Variants in UBA6 observed in about 807,000 individuals in gnomAD.
The protein encoded by UBA6 is ubiquitin like modifier activating enzyme 6, also known as ubiquitin-like modifier-activating enzyme 6.
In UBA6, 87 loss-of-function variants were observed where a neutral mutation model predicts 148.3. The observed-to-expected ratio is 0.59, with a 90% CI of 0.49 to 0.70. The LOEUF is 0.70. UBA6 is among the 30% of genes least tolerant of loss of function. The pLI is 0.00. For synonymous variants in UBA6, 376 were observed against 401.0 expected (o/e 0.94, Z 0.75); for missense variants, 1,186 against 1,241.2 (o/e 0.96, Z 0.67).
chr4:67,648,774 C>T (rs1172928406), intron 14 of UBA6, among the ~76,000 whole-genome samples: 1 of 152,054 alleles, frequency 6.6e-6, no homozygotes, highest in Non-Finnish European at 1.5e-5. Flanking sequence ...GAATGCTAAG[C>T]TTATGGTACT....
intron 1 of UBA6, among the ~76,000 whole-genome samples, chr4:67,698,942 A>G (rs1231438253): frequency 6.6e-6 from 1 of 152,164 alleles, no homozygotes. Flanking sequence ...CCTGGGTGAC[A>G]AGAGCAAGAC....
chr4:67,678,674 T>C (rs1229729954), intron 4 of UBA6, 141 bp from the exon 5 acceptor site: 4 of 442,314 alleles, frequency 9.0e-6, no homozygotes, highest in Non-Finnish European at 1.6e-5. Context: ...AATTAAAATA[T>C]GTAAAGATGT....
At chr4:67,624,324 A>C in intron 29 of UBA6, 71 bp from the exon 30 acceptor site, 1 of 1,443,572 alleles carries the variant, frequency 6.9e-7, no homozygotes, top group Non-Finnish European at 9.3e-7. Context: ...GCATCTATTC[A>C]ACTTTCACGT....
intron 32 of UBA6, among the ~76,000 whole-genome samples, chr4:67,622,587 C>G (rs13104385): frequency 0.2 from 30,515 of 152,064 alleles, 3,326 homozygotes; most frequent in Middle Eastern, 0.3. Context: ...ACATAAGAGA[C>G]GGATCCACTT....
In UBA6 at chr4:67,631,910, T is replaced by G; in HGVS notation, c.2143-2A>C. On this transcript the variant is annotated splice_acceptor_variant, in intron 23 of 32. Transcript: ENST00000322244. LOFTEE classifies it high-confidence loss of function. ...GAAACAGTGAAGAAGCTGAAGAGCC[T>G]AAAGAAAAAAAATGAATTAAAGACA... 1 of 1,608,274 alleles carries G rather than the reference T, an allele frequency of 6.2e-7. No homozygotes were observed. The highest frequency in any genetic ancestry group is 8.5e-7 in the Non-Finnish European group (1 of 1,177,930).
intron 13 of UBA6, among the ~76,000 whole-genome samples, chr4:67,659,317 A>ATTG (rs1729781544): frequency 6.6e-6 from 1 of 152,138 alleles, no homozygotes; most frequent in South Asian, 2.1e-4. Context: ...CTCATCTTGA[A>ATTG]TTGTAATCCC....
At chr4:67,623,512 C>A (rs535140020) in intron 30 of UBA6, among the ~76,000 whole-genome samples, 8 of 152,172 alleles carry the variant, frequency 5.3e-5, no homozygotes, top group African/African-American at 1.9e-4. Flanking sequence ...AAATGGGTTT[C>A]ACTGTGTGGA....
At chr4:67,640,743 G>A (rs76628947) in intron 18 of UBA6, among the ~76,000 whole-genome samples, 175 of 152,282 alleles carry the variant, frequency 1.1e-3, no homozygotes, top group Admixed American at 2.9e-3. Flanking sequence ...ACGGATGTTG[G>A]TCAAACGATC....
Position 67,624,184 on chromosome 4 carries a change from A to C in UBA6, c.2782T>G (p.Leu928Val). The change falls in exon 30 of 33, where the codon TTA becomes GTA. Residue 928 changes from leucine to valine, a missense_variant. Physicochemically the swap from Leu to Val is conservative, Grantham distance 32 (BLOSUM62 1). Transcript: ENST00000322244. ...GTAAATACTACAATTGGAATGGCTA[A>C]GTTAAGAAAACAATTTTTGTAAGCT... ...FEAYKNCFLN[L>V]AIPIVVFTET... is the part of the protein sequence containing the mutation. 6.2e-7 allele frequency: 1 copy of C among 1,610,304 alleles called. No individual in the cohort carries two copies. Among genetic ancestry groups the C allele is most frequent in the Non-Finnish European group, 8.5e-7 (1 of 1,178,326 alleles).
At chr4:67,686,769 C>A (rs1306840077) in intron 2 of UBA6, among the ~76,000 whole-genome samples, 1 of 151,274 alleles carries the variant, frequency 6.6e-6, no homozygotes, top group Non-Finnish European at 1.5e-5. Flanking sequence ...CTGGGCAATA[C>A]GGTGAGACAC....
At chr4:67,700,918 C>A in intron 1 of UBA6, 131 bp downstream of exon 1, 1 of 1,114,556 alleles carries the variant, frequency 9.0e-7, no homozygotes, top group South Asian at 1.4e-5. Context: ...GCGCCCCTCG[C>A]CTCCCAGGGC....
chr4:67,700,515 A>AT (rs896800421), intron 1 of UBA6, among the ~76,000 whole-genome samples: 5 of 145,030 alleles, frequency 3.4e-5, no homozygotes, highest in Admixed American at 2.1e-4. Flanking sequence ...TAACTTGTGT[A>AT]TTTTTTTTTC....
At chr4:67,665,331 TATAG>T in intron 9 of UBA6, 39 bp from the exon 10 acceptor site, 1 of 1,219,284 alleles carries the variant, frequency 8.2e-7, no homozygotes. Flanking sequence ...TACACAGGGA[TATAG>T]ATATTTAAAT....
chr4:67,630,300 GC>G (rs1420115582), intron 26 of UBA6, among the ~76,000 whole-genome samples, 165 bp downstream of exon 26: 2 of 152,054 alleles, frequency 1.3e-5, no homozygotes, highest in Non-Finnish European at 2.9e-5. Flanking sequence ...ACTGCAATGA[GC>G]TTTTAGCTTC....
chr4:67,641,037 T>C (rs1729294013), intron 18 of UBA6, 114 bp downstream of exon 18: 1 of 691,654 alleles, frequency 1.4e-6, no homozygotes, highest in East Asian at 2.9e-5. Flanking sequence ...AATTGATAAT[T>C]TGAAAGTTTC....
intron 32 of UBA6, among the ~76,000 whole-genome samples, chr4:67,620,383 G>T (rs900782779): frequency 6.6e-6 from 1 of 152,116 alleles, no homozygotes; most frequent in East Asian, 1.9e-4. Flanking sequence ...CCCTGAACTA[G>T]AGGTCTGAGT....
chr4:67,622,955 T>G, intron 31 of UBA6, 30 bp from the exon 32 acceptor site: 1 of 1,549,438 alleles, frequency 6.5e-7, no homozygotes. Context: ...AAAGAAACAA[T>G]GAAAGCCTCG....
intron 10 of UBA6, among the ~76,000 whole-genome samples, chr4:67,664,315 C>T (rs1393400982): frequency 6.6e-6 from 1 of 151,488 alleles, no homozygotes; most frequent in Non-Finnish European, 1.5e-5. Flanking sequence ...ACAAATGAAA[C>T]CCCCCCTAAA....
intron 2 of UBA6, among the ~76,000 whole-genome samples, chr4:67,694,133 T>C (rs1730767109): frequency 1.4e-5 from 2 of 139,812 alleles, no homozygotes; most frequent in Non-Finnish European, 3.0e-5. Context: ...GGAGAATTGC[T>C]TGAACCCAAG....
Sources: allele counts gnomAD v4.1 joint callset (sites outside exome capture counted in the v4.1 genomes callset), GRCh38; gene constraint gnomAD v4.1.1; transcripts MANE v1.5; gene names NCBI Gene and HGNC (gene_info 2026-07-23, HGNC 2026-07-21).